Variants in IRS1 observed in about 807,000 individuals in gnomAD.
IRS1 encodes the protein insulin receptor substrate 1.
In IRS1, 34 loss-of-function variants were observed where a neutral mutation model predicts 65.6. The ratio of observed to expected loss-of-function variants is 0.52; its 90% CI spans 0.39 to 0.69. The LOEUF is 0.69. Among genes scored for constraint, IRS1 ranks in the 30% least tolerant of loss-of-function variants. The pLI, the probability that IRS1 is intolerant of heterozygous loss-of-function variation, is 0.00. For missense variants in IRS1, 1,641 were observed against 1,720.2 expected (o/e 0.95, Z 0.81); for synonymous variants, 699 against 683.5 (o/e 1.02, Z -0.35).
Position 226,795,728 on chromosome 2 carries a change from G to T in IRS1, c.3011C>A (p.Thr1004Asn), listed in dbSNP as rs750831376. 3 of 1,613,408 alleles carry T rather than the reference G, an allele frequency of 1.9e-6. No homozygotes were observed. Among genetic ancestry groups the T allele is most frequent in the South Asian group, 1.1e-5 (1 of 91,092 alleles). ...ATAGCTTACAGGGGCAGCTGGCGAG[G>T]TGTCCACGTAGCTCTGACGGGGACA... ...MSCPRQSYVD[T>N]SPAAPVSYAD... Residue 1004 changes from threonine to asparagine, a missense_variant, in exon 1 of 2, where the codon ACC (threonine) becomes AAC (asparagine). Transcript: ENST00000305123.
rs1938253927 is a variant in IRS1, at chr2:226,732,725, A to ACACG, written c.*3546_*3547insCGTG. 1 of 151,558 alleles carries ACACG rather than the reference A, an allele frequency of 6.6e-6. No individual in the cohort carries two copies. Among genetic ancestry groups the ACACG allele is most frequent in the Non-Finnish European group, 1.5e-5 (1 of 67,946 alleles). 9.4% of individuals were successfully genotyped at this position (151,558 alleles called of 1,614,324 possible). On this transcript the variant is annotated 3_prime_UTR_variant, in exon 2 of 2. Transcript: ENST00000305123. ...CACACACAAACACACACACACACACACACACACATATACAGCATTACCTCC... is the reference window on the plus strand; with the variant it reads ...CACACACAAACACACACACACACACACACGCACACACATATACAGCATTACCTCC...
intron 1 of IRS1, among the ~76,000 whole-genome samples, chr2:226,782,159 C>A (rs1288773526): frequency 6.6e-6 from 1 of 151,996 alleles, no homozygotes; most frequent in Non-Finnish European, 1.5e-5. Flanking sequence ...GGGGGGTGGA[C>A]TGGAGCTGCC....
Position 226,799,029 on chromosome 2 carries a change from T to A in IRS1, c.-291A>T, listed in dbSNP as rs1393226675. On this transcript the variant is annotated 5_prime_UTR_variant, in exon 1 of 2. Coordinates refer to ENST00000305123, the MANE Select transcript of IRS1 (RefSeq NM_005544.3). The surrounding 1 kb of genome is among the most constrained non-coding windows in gnomAD (Gnocchi z 6.1). ...CCGATCCTCCGAGAGCCAAGTCTCC[T>A]CTCAGCCGCCGCCGCCACCAGGAAG... 6.5e-6 allele frequency: 9 copies of A among 1,382,030 alleles called. No individual in the cohort carries two copies. The highest frequency in any genetic ancestry group is 7.5e-6 in the Non-Finnish European group (8 of 1,060,620). 85.6% of individuals were successfully genotyped at this position (1,382,030 alleles called of 1,614,324 possible).
intron 1 of IRS1, among the ~76,000 whole-genome samples, chr2:226,791,854 G>A (rs958604090): frequency 1.4e-4 from 21 of 152,224 alleles, no homozygotes; most frequent in African/African-American, 5.1e-4. Context: ...CGCCCTGGAT[G>A]ACCCGAGACG....
Position 226,752,223 on chromosome 2 carries a change from C to A in IRS1, c.*22-15973G>T, listed in dbSNP as rs776583683. Among the ~76,000 whole-genome samples, 44 of 152,020 alleles carry A rather than the reference C, an allele frequency of 2.9e-4. 1 individual carries two copies. The highest frequency in any genetic ancestry group is 5.6e-4 in the Non-Finnish European group (38 of 68,006). On this transcript the variant is annotated intron_variant, in intron 1 of 1. Transcript: ENST00000305123. ...ACATTTTCTAATATCAGGGGGAGCA[C>A]AGAGGCATAATGACTCAAAGGTACC...
In IRS1 at chr2:226,732,603, T is replaced by G. The variant is rs1029443223; in HGVS notation, c.*3669A>C. ...ATATATTTGTATATATTCATCTATA[T>G]ATACACACACACATCCCACACACAC... On this transcript the variant is annotated 3_prime_UTR_variant, in exon 2 of 2. Coordinates refer to ENST00000305123, the MANE Select transcript of IRS1 (RefSeq NM_005544.3). 1 of 150,512 alleles carries G rather than the reference T, an allele frequency of 6.6e-6. No homozygotes were observed. Among genetic ancestry groups the G allele is most frequent in the Non-Finnish European group, 1.5e-5 (1 of 67,740 alleles). 9.3% of individuals were successfully genotyped at this position (150,512 alleles called of 1,614,324 possible). A position where few individuals can be genotyped will look rare whatever the true frequency, so the allele number is the denominator to read the frequency against.
At chr2:226,783,889 G>A (rs747844453) in intron 1 of IRS1, among the ~76,000 whole-genome samples, 8 of 152,026 alleles carry the variant, frequency 5.3e-5, no homozygotes, top group Non-Finnish European at 8.8e-5. Context: ...CCCTGCTCTT[G>A]CTGCTGGGAA....
chr2:226,755,494 T>C (rs1938778479), intron 1 of IRS1, among the ~76,000 whole-genome samples: 1 of 152,210 alleles, frequency 6.6e-6, no homozygotes, highest in South Asian at 2.1e-4. Context: ...TATAATTAAG[T>C]GTGTTAATTA....
rs548396892 is a variant in IRS1 at position 226,780,314 on chromosome 2, C to A, written c.*21+14675G>T. ...GGCTGAGGCAGGAGAATCGCTTGAA[C>A]CTGGGAAGCAGAGGTTGCAGTGAGC... On this transcript the variant is annotated intron_variant, in intron 1 of 1. Transcript: ENST00000305123. Among the ~76,000 whole-genome samples the A allele has an allele frequency of 2.0e-5, 3 of 152,142 alleles. No homozygotes were observed. In the South Asian group the frequency reaches 6.2e-4, roughly 31 times the overall value.
rs747512782 is a variant in IRS1, at chr2:226,798,617, G to A, written c.122C>T (p.Pro41Leu). ...GTTCTCGTAGTACTCGAGGCGCGCC[G>A]GGCCCCCAGCCTCGCTGGCCGCGCG... ...VLRAASEAGG[P>L]ARLEYYENEK... Residue 41 changes from proline (P) to leucine (L), a missense_variant, in exon 1 of 2, where the codon CCG (proline) becomes CTG (leucine). Transcript: ENST00000305123. This position sits in a 1 kb window ranked among gnomAD's most constrained non-coding sequence, Gnocchi z 9.4. 7 of 1,613,006 alleles carry A rather than the reference G, an allele frequency of 4.3e-6. No homozygotes were observed. In the African/African-American group the frequency reaches 5.3e-5, roughly 12 times the overall value.
chr2:226,754,857 G>C (rs1041912456), intron 1 of IRS1, among the ~76,000 whole-genome samples: 3 of 152,122 alleles, frequency 2.0e-5, no homozygotes, highest in African/African-American at 7.2e-5. Flanking sequence ...GCTTGCAAAA[G>C]AGATTGTCAT....
chr2:226,799,387 T>TGCTGCTGCTGCTGCTGCC lies in IRS1; in HGVS notation c.-650_-649insGGCAGCAGCAGCAGCAGC. The TGCTGCTGCTGCTGCTGCC allele has an allele frequency of 7.9e-7, 1 of 1,262,508 alleles. No individual in the cohort carries two copies. Among genetic ancestry groups the TGCTGCTGCTGCTGCTGCC allele is most frequent in the South Asian group, 1.3e-5 (1 of 76,988 alleles). The allele number at this position is 1,262,508 out of a possible 1,614,324, so 78.2% of individuals were successfully genotyped here. On this transcript the variant is annotated 5_prime_UTR_variant, in exon 1 of 2. Transcript: ENST00000305123. The surrounding 1 kb of genome is among the most constrained non-coding windows in gnomAD (Gnocchi z 6.1). ...CTGTTGCTGCTGCTGCTGCTGCTGCTGCTGCCGCCGCCCGCGGGCGCGTCC... is the reference window on the plus strand; with the variant it reads ...CTGTTGCTGCTGCTGCTGCTGCTGCTGCTGCTGCTGCTGCTGCCGCTGCCGCCGCCCGCGGGCGCGTCC...
At chr2:226,752,649 A>G (rs1938707542) in intron 1 of IRS1, among the ~76,000 whole-genome samples, 1 of 152,256 alleles carries the variant, frequency 6.6e-6, no homozygotes, top group East Asian at 1.9e-4. Context: ...AGTGCAATTC[A>G]CATATCGTGT....
At chr2:226,776,889 C>CAGTG (rs1015034321) in intron 1 of IRS1, among the ~76,000 whole-genome samples, 1 of 152,150 alleles carries the variant, frequency 6.6e-6, no homozygotes, top group Non-Finnish European at 1.5e-5. Context: ...CTGGGCAACA[C>CAGTG]AGTGAGACTC....
intron 1 of IRS1, among the ~76,000 whole-genome samples, chr2:226,790,691 T>C (rs1426453902): frequency 6.6e-6 from 1 of 152,174 alleles, no homozygotes; most frequent in Non-Finnish European, 1.5e-5. Context: ...GGATGTTGGC[T>C]GGTGAGAAAT....
At chr2:226,770,922 G>T (rs1939151137) in intron 1 of IRS1, among the ~76,000 whole-genome samples, 1 of 152,132 alleles carries the variant, frequency 6.6e-6, no homozygotes, top group Admixed American at 6.5e-5. Flanking sequence ...CTCTTTGGAA[G>T]GCTGAGGTGG....
intron 1 of IRS1, among the ~76,000 whole-genome samples, chr2:226,780,558 C>G (rs1939360750): frequency 6.6e-6 from 1 of 152,106 alleles, no homozygotes; most frequent in African/African-American, 2.4e-5. Context: ...ATCAGAAGAA[C>G]TATACTAGTA....
chr2:226,792,950 G>A (rs983197943), intron 1 of IRS1, among the ~76,000 whole-genome samples: 9 of 152,158 alleles, frequency 5.9e-5, no homozygotes, highest in African/African-American at 2.2e-4. Flanking sequence ...TCTCAAATAC[G>A]CATTGTAGAA....
chr2:226,785,246 G>A (rs932242312), intron 1 of IRS1, among the ~76,000 whole-genome samples: 2 of 152,148 alleles, frequency 1.3e-5, no homozygotes, highest in Non-Finnish European at 2.9e-5. Context: ...TAAGTACCAT[G>A]AAAGTGAACA....
Sources: gnomAD v4.1 joint callset for allele counts (sites outside exome capture counted in the v4.1 genomes callset) on GRCh38, gnomAD v4.1.1 for gene constraint, Gnocchi (gnomAD v3.1) non-coding constraint, MANE v1.5 for transcripts, NCBI Gene and HGNC (gene_info 2026-07-23, HGNC 2026-07-21) for gene names.